ANK3: variants seen among roughly 807,000 people sequenced by gnomAD.
The protein encoded by ANK3 is ankyrin 3.
In ANK3, 57 loss-of-function variants were observed where a neutral mutation model predicts 370.9. That is an observed-to-expected ratio of 0.15 (90% CI 0.12 to 0.19). The LOEUF (loss-of-function observed/expected upper bound fraction) is 0.19. Ranked by LOEUF, ANK3 falls within the 10% of genes least tolerant of loss-of-function variation. ANK3 has a pLI of 1.00. For synonymous variants in ANK3, 1,929 were observed against 1,946.3 expected, an observed-to-expected ratio of 0.99 and a Z score of 0.23; for missense variants, 4,439 against 5,302.1, an observed-to-expected ratio of 0.84 and a Z score of 5.06.
rs548545780 is a variant in ANK3 at position 60,352,679 on chromosome 10, T to C, written c.114+36746A>G. On this transcript the variant is annotated intron_variant, in intron 1 of 43. Coordinates refer to ENST00000280772, the MANE Select transcript of ANK3 (RefSeq NM_020987.5). The stretch of plus-strand genomic sequence containing the variant: ...TCTCTTTCAACTCTTCCAACACATG[T>C]TTCTCCTCTCCTTACTTTCATTCCC... Among the ~76,000 whole-genome samples the C allele has an allele frequency of 3.9e-5, 6 of 152,306 alleles. No homozygotes were observed. In the South Asian group the frequency reaches 1.2e-3, roughly 32 times the overall value.
chr10:60,140,194 T>C (rs2094502370), intron 23 of ANK3: 1 of 759,410 alleles, frequency 1.3e-6, no homozygotes, highest in Non-Finnish European at 2.2e-6. Context: ...TGTCAACTAC[T>C]GTTTTTGCAA....
chr10:60,313,736 T>C (rs1416830387), intron 1 of ANK3, among the ~76,000 whole-genome samples: 1 of 152,084 alleles, frequency 6.6e-6, no homozygotes, highest in Admixed American at 6.6e-5. Context: ...AAACAAAAAG[T>C]CCCAAATGAA....
intron 8 of ANK3, among the ~76,000 whole-genome samples, chr10:60,228,998 T>A (rs981790010): frequency 6.6e-6 from 1 of 152,178 alleles, no homozygotes; most frequent in African/African-American, 2.4e-5. Flanking sequence ...AGGTTTACAA[T>A]GTAGTGTAAA....
In ANK3 at chr10:60,382,987, CA is replaced by C. The variant is rs1370395412; in HGVS notation, c.114+6437del. Among the ~76,000 whole-genome samples, 5 of 151,918 alleles carry C rather than the reference CA, an allele frequency of 3.3e-5. No homozygotes were observed. The East Asian group carries it at 9.7e-4, about 29-fold the overall frequency. ...GTAAATAATTTAACTTTCAACATCT[CA>C]AAAGTGATAATTTTTTTCTTGATGT... On this transcript the variant is annotated intron_variant, in intron 1 of 43. Coordinates refer to ENST00000280772, the MANE Select transcript of ANK3 (RefSeq NM_020987.5).
intron 1 of ANK3, among the ~76,000 whole-genome samples, chr10:60,659,760 G>A (rs2078912175): frequency 6.6e-6 from 1 of 152,038 alleles, no homozygotes; most frequent in South Asian, 2.1e-4. Context: ...AAAAATGCAA[G>A]TAGGAAAAGA....
At chr10:60,087,002 A>AAC in intron 29 of ANK3, 118 bp from the exon 30 acceptor site, 1 of 736,832 alleles carries the variant, frequency 1.4e-6, no homozygotes, top group Non-Finnish European at 2.1e-6. Context: ...AAAAAAAAAA[A>AAC]AAAAAAACCC....
intron 1 of ANK3, among the ~76,000 whole-genome samples, chr10:60,693,087 T>A (rs2133405362): frequency 6.6e-6 from 1 of 152,292 alleles, no homozygotes; most frequent in Admixed American, 6.5e-5. Context: ...ATTGCCTCAC[T>A]CGGGAAGCGC....
intron 2 of ANK3, among the ~76,000 whole-genome samples, chr10:60,548,234 T>G (rs972788315): frequency 1.3e-5 from 1 of 74,402 alleles, no homozygotes; most frequent in East Asian, 5.2e-4. Flanking sequence ...TTTTTTTTTT[T>G]GAGACAAGTC....
chr10:60,209,149 C>G (rs1158603390), intron 9 of ANK3, among the ~76,000 whole-genome samples: 12 of 152,126 alleles, frequency 7.9e-5, no homozygotes, highest in Non-Finnish European at 1.5e-5. Flanking sequence ...GTGGGGGAGC[C>G]TGGGAAATTC....
chr10:60,156,624 C>CT (rs537857987), intron 23 of ANK3, among the ~76,000 whole-genome samples: 177 of 152,272 alleles, frequency 1.2e-3, no homozygotes, highest in Admixed American at 3.0e-3. Context: ...GTGGGAGAGA[C>CT]TTTTTACCTG....
intron 2 of ANK3, among the ~76,000 whole-genome samples, chr10:60,473,386 TG>T (rs1203259845): frequency 6.6e-6 from 1 of 152,232 alleles, no homozygotes; most frequent in Admixed American, 6.5e-5. Context: ...TATTTCCTAA[TG>T]CTTCAGAAAC....
At chr10:60,547,143 T>G (rs2076982388) in intron 2 of ANK3, among the ~76,000 whole-genome samples, 1 of 146,554 alleles carries the variant, frequency 6.8e-6, no homozygotes, top group Non-Finnish European at 1.5e-5. Flanking sequence ...CAGGCTGCAG[T>G]GCAGTGGTGT....
chr10:60,446,536 A>G (rs2064451565), intron 2 of ANK3, among the ~76,000 whole-genome samples: 1 of 152,184 alleles, frequency 6.6e-6, no homozygotes, highest in South Asian at 2.1e-4. Context: ...TTTGGGTTCA[A>G]AGACATTCAG....
rs113717177 is a variant in ANK3, at chr10:60,376,533, G to C, written c.114+12892C>G. On this transcript the variant is annotated intron_variant, in intron 1 of 43. Transcript: ENST00000280772. ...AATTACAGCCTGCCGCTGAAGACAA[G>C]GCTCTTCCATGGAGAGCTCAGGAAA... Among the ~76,000 whole-genome samples, 441 of 152,292 alleles carry C rather than the reference G, an allele frequency of 2.9e-3. 2 individuals are homozygous for C. The highest frequency in any genetic ancestry group is 0.01 in the African/African-American group (418 of 41,574).
At chr10:60,592,414 A>C (rs987870621) in intron 2 of ANK3, among the ~76,000 whole-genome samples, 7 of 152,250 alleles carry the variant, frequency 4.6e-5, no homozygotes, top group African/African-American at 1.7e-4. Flanking sequence ...CATGTGAAGC[A>C]AGGCATGGAG....
chr10:60,336,657 A>T (rs2053025775), intron 1 of ANK3, among the ~76,000 whole-genome samples: 1 of 152,212 alleles, frequency 6.6e-6, no homozygotes, highest in Non-Finnish European at 1.5e-5. Context: ...CATTTTAAGA[A>T]AAAGCTATCA....
intron 1 of ANK3, among the ~76,000 whole-genome samples, chr10:60,293,639 C>T (rs1327735197): frequency 6.6e-6 from 1 of 152,134 alleles, no homozygotes; most frequent in African/African-American, 2.4e-5. Context: ...GGACCCACTC[C>T]TCACATACAA....
intron 7 of ANK3, among the ~76,000 whole-genome samples, chr10:60,240,016 CATATAT>C (rs10629894): frequency 7.1e-6 from 1 of 141,718 alleles, no homozygotes; most frequent in Non-Finnish European, 1.5e-5. Context: ...AATATATACA[CATATAT>C]ACACATATAT....
rs2097909618 is a variant in ANK3, at chr10:60,268,140, TG to T, written c.513+1990del. Among the ~76,000 whole-genome samples the T allele has an allele frequency of 2.0e-5, 3 of 152,224 alleles. No individual in the cohort carries two copies. The South Asian group carries it at 6.2e-4, about 31-fold the overall frequency. Reference sequence around the variant, plus strand: ...CTCCTGTCTCTACCTCCTGAGGGGCTGGGACTACCGGTGTGTGCCCTTGCAC... The same window carrying T: ...CTCCTGTCTCTACCTCCTGAGGGGCTGGACTACCGGTGTGTGCCCTTGCAC... On this transcript the variant is annotated intron_variant, in intron 5 of 43. Coordinates refer to ENST00000280772, the MANE Select transcript of ANK3 (RefSeq NM_020987.5).
Sources: allele counts gnomAD v4.1 joint callset (sites outside exome capture counted in the v4.1 genomes callset), GRCh38; gene constraint gnomAD v4.1.1; transcripts MANE v1.5; gene names NCBI Gene and HGNC (gene_info 2026-07-23, HGNC 2026-07-21).